MRPS28: variants seen among roughly 807,000 people sequenced by gnomAD.
MRPS28 encodes small ribosomal subunit protein bS1m.
A neutral mutation model predicts 10.8 loss-of-function variants in MRPS28; 7 were observed. The ratio of observed to expected loss-of-function variants is 0.65; its 90% CI spans 0.37 to 1.22. The LOEUF is 1.22. Ranked by LOEUF, MRPS28 falls within the 50% of genes most tolerant of loss-of-function variation. The pLI, the probability that MRPS28 is intolerant of heterozygous loss-of-function variation, is 0.02. For synonymous variants in MRPS28, 121 were observed against 93.3 expected (o/e 1.30, Z -1.71); for missense variants, 265 against 232.9 (o/e 1.14, Z -0.90).
chr8:79,991,924 CTCTCT>C (rs1808375520), intron 2 of MRPS28, among the ~76,000 whole-genome samples: 1 of 28,318 alleles, frequency 3.5e-5, no homozygotes, highest in Non-Finnish European at 1.2e-4. Context: ...CTCTCTCTCT[CTCTCT>C]CTCTCTCTCT....
chr8:79,939,287 C>T (rs1359171246), intron 2 of MRPS28, among the ~76,000 whole-genome samples: 1 of 152,210 alleles, frequency 6.6e-6, no homozygotes, highest in Non-Finnish European at 1.5e-5. Flanking sequence ...CATCATGATG[C>T]AGTAATGCAA....
rs778741370 is a variant in MRPS28 at position 80,003,159 on chromosome 8, A to G, written c.235T>C (p.Ser79Pro). The change falls in exon 2 of 3, where the codon TCC becomes CCC. Residue 79 changes from serine (S) to proline (P), a missense_variant. Physicochemically the swap from Ser to Pro is moderately conservative, Grantham distance 74. Transcript: ENST00000276585. ...GAATGTCTCAGCATAGATGCAAAGG[A>G]TTCCACATTTTTTGGAGAACCCTAA... is the stretch of plus-strand genomic sequence containing the variant. ...LQKGSPKNVE[S>P]FASMLRHSPL... 1 of 1,586,776 alleles carries G rather than the reference A, an allele frequency of 6.3e-7. No homozygotes were observed. The highest frequency in any genetic ancestry group is 1.2e-5 in the South Asian group (1 of 85,434).
At chr8:79,939,766 C>T (rs7829051) in intron 2 of MRPS28, among the ~76,000 whole-genome samples, 9,591 of 151,940 alleles carry the variant, frequency 0.063, 528 homozygotes, top group African/African-American at 0.15. Context: ...GTCAGGAGAT[C>T]GAGACCATCC....
At chr8:79,958,807 T>A (rs1278667849) in intron 2 of MRPS28, among the ~76,000 whole-genome samples, 1 of 152,136 alleles carries the variant, frequency 6.6e-6, no homozygotes, top group Non-Finnish European at 1.5e-5. Flanking sequence ...TGTTTCACAT[T>A]TAACCCCCAA....
intron 2 of MRPS28, among the ~76,000 whole-genome samples, chr8:79,983,700 G>C (rs1055343211): frequency 8.5e-5 from 13 of 152,158 alleles, no homozygotes; most frequent in Non-Finnish European, 1.3e-4. Context: ...TGAATGAAAT[G>C]AAGTGAGAAG....
intron 1 of MRPS28, among the ~76,000 whole-genome samples, chr8:80,007,123 A>C (rs1357830300): frequency 6.6e-6 from 1 of 152,250 alleles, no homozygotes; most frequent in East Asian, 1.9e-4. Flanking sequence ...CAACATATGC[A>C]AATCAATAAA....
intron 2 of MRPS28, among the ~76,000 whole-genome samples, chr8:79,962,183 G>A (rs1044725184): frequency 1.2e-4 from 18 of 151,990 alleles, no homozygotes; most frequent in Non-Finnish European, 1.5e-5. Context: ...AGTTCCCAGA[G>A]GGTAGTAGTT....
intron 2 of MRPS28, among the ~76,000 whole-genome samples, chr8:79,959,753 T>C (rs1351521481): frequency 1.3e-5 from 2 of 152,130 alleles, no homozygotes; most frequent in Non-Finnish European, 2.9e-5. Flanking sequence ...GTAGAAAATA[T>C]TAGATTATAA....
chr8:79,961,651 A>G (rs567199326), intron 2 of MRPS28, among the ~76,000 whole-genome samples: 1 of 152,258 alleles, frequency 6.6e-6, no homozygotes, highest in African/African-American at 2.4e-5. Context: ...TATGGCCAAA[A>G]CAAAAGAGTG....
At chr8:80,013,675 C>T (rs1223382969) in intron 1 of MRPS28, among the ~76,000 whole-genome samples, 2 of 137,056 alleles carry the variant, frequency 1.5e-5, no homozygotes, top group African/African-American at 5.4e-5. Flanking sequence ...AGAAAAAAAA[C>T]AATAACAATA....
Position 80,012,993 on chromosome 8 carries a change from T to C in MRPS28, c.214-9813A>G, listed in dbSNP as rs1280940859. Among the ~76,000 whole-genome samples the C allele has an allele frequency of 2.6e-5, 4 of 152,220 alleles. No individual in the cohort carries two copies. The East Asian group carries it at 5.8e-4, about 22-fold the overall frequency. ...ACATGCTATTCAAAGTTACATGGGATACTGAACAGTGGTTCTTAAATAAAA... is the reference window on the plus strand; with the variant it reads ...ACATGCTATTCAAAGTTACATGGGACACTGAACAGTGGTTCTTAAATAAAA... On this transcript the variant is annotated intron_variant, in intron 1 of 2. Transcript: ENST00000276585.
At position 80,024,331 on chromosome 8, in the gene MRPS28, A is replaced by G. The variant is rs554381241; in HGVS notation, c.213+5705T>C. ...TAAAGCTAATGAAGCAAAGTAAAAGAAAAGTAGGTAAGTGAGCATGGGATG... is the reference window on the plus strand; with the variant it reads ...TAAAGCTAATGAAGCAAAGTAAAAGGAAAGTAGGTAAGTGAGCATGGGATG... On this transcript the variant is annotated intron_variant, in intron 1 of 2. Transcript: ENST00000276585. Among the ~76,000 whole-genome samples the G allele has an allele frequency of 2.6e-5, 4 of 152,358 alleles. No individual in the cohort carries two copies. The South Asian group carries it at 8.3e-4, about 32-fold the overall frequency.
chr8:79,920,702 G>C (rs1384469341), intron 2 of MRPS28, among the ~76,000 whole-genome samples: 1 of 152,150 alleles, frequency 6.6e-6, no homozygotes, highest in African/African-American at 2.4e-5. Context: ...TTTGTCAGAG[G>C]AGTAGATTGC....
intron 2 of MRPS28, among the ~76,000 whole-genome samples, chr8:79,996,091 G>C (rs1808496389): frequency 6.6e-6 from 1 of 151,920 alleles, no homozygotes; most frequent in South Asian, 2.1e-4. Context: ...AACTATTTTA[G>C]GTCTAACAAG....
At position 80,011,042 on chromosome 8, in the gene MRPS28, C is replaced by G. The variant is rs1337292614; in HGVS notation, c.214-7862G>C. Among the ~76,000 whole-genome samples, 3 of 152,276 alleles carry G rather than the reference C, an allele frequency of 2.0e-5. No homozygotes were observed. In the East Asian group the frequency reaches 5.8e-4, roughly 29 times the overall value. On this transcript the variant is annotated intron_variant, in intron 1 of 2. Coordinates refer to ENST00000276585, the MANE Select transcript of MRPS28 (RefSeq NM_014018.3). ...TGCAGAGCCAGAGATAAAACAAATCCTACAGAGGTAACACAGACACAGCTG... is the reference window on the plus strand; with the variant it reads ...TGCAGAGCCAGAGATAAAACAAATCGTACAGAGGTAACACAGACACAGCTG...
intron 1 of MRPS28, among the ~76,000 whole-genome samples, chr8:80,020,316 T>A (rs1471873066): frequency 6.6e-6 from 1 of 152,120 alleles, no homozygotes; most frequent in Non-Finnish European, 1.5e-5. Context: ...GAGGGAGGTA[T>A]AATGAGGCAC....
chr8:79,944,907 C>A (rs936836849), intron 2 of MRPS28, among the ~76,000 whole-genome samples: 1 of 151,966 alleles, frequency 6.6e-6, no homozygotes, highest in Admixed American at 6.6e-5. Context: ...GTTGTCCAGG[C>A]TAGTCTCGAA....
At chr8:79,969,509 A>C (rs1487018017) in intron 2 of MRPS28, among the ~76,000 whole-genome samples, 1 of 152,136 alleles carries the variant, frequency 6.6e-6, no homozygotes, top group Non-Finnish European at 1.5e-5. Context: ...AATCCTGTAG[A>C]CTTTTAAAAT....
intron 2 of MRPS28, among the ~76,000 whole-genome samples, chr8:79,978,984 T>C (rs578246821): frequency 2.6e-5 from 4 of 152,194 alleles, no homozygotes; most frequent in Non-Finnish European, 5.9e-5. Context: ...TAAAATACAT[T>C]CAGTCACTAA....
Sources: gnomAD v4.1 joint callset for allele counts (sites outside exome capture counted in the v4.1 genomes callset) on GRCh38, gnomAD v4.1.1 for gene constraint, MANE v1.5 for transcripts, NCBI Gene and HGNC (gene_info 2026-07-23, HGNC 2026-07-21) for gene names.